The following ERBB4 variants were observed in gnomAD, a reference collection of about 807,000 sequenced individuals.
ERBB4 encodes receptor tyrosine-protein kinase erbB-4.
A neutral mutation model predicts 158.0 loss-of-function variants in ERBB4; 42 were observed. The ratio of observed to expected loss-of-function variants is 0.27; its 90% CI spans 0.21 to 0.34. The LOEUF is 0.34. ERBB4 is among the 10% of genes least tolerant of loss of function. The pLI, the probability that ERBB4 is intolerant of heterozygous loss-of-function variation, is 1.00. For synonymous variants in ERBB4, 583 were observed against 558.7 expected (o/e 1.04, Z -0.61); for missense variants, 1,333 against 1,624.1 (o/e 0.82, Z 3.08).
intron 19 of ERBB4, among the ~76,000 whole-genome samples, chr2:211,588,405 G>T (rs1035969606): frequency 6.6e-6 from 1 of 152,068 alleles, no homozygotes; most frequent in East Asian, 1.9e-4. Context: ...TGGAACAAAT[G>T]AGGATACGCT....
intron 3 of ERBB4, among the ~76,000 whole-genome samples, chr2:211,927,516 G>C (rs1381470094): frequency 6.6e-6 from 1 of 152,144 alleles, no homozygotes; most frequent in East Asian, 1.9e-4. Context: ...CAATGAGAAG[G>C]TTTCATCTGC....
At chr2:212,084,225 C>T (rs961893221) in intron 2 of ERBB4, among the ~76,000 whole-genome samples, 4 of 151,912 alleles carry the variant, frequency 2.6e-5, no homozygotes, top group Non-Finnish European at 4.4e-5. Flanking sequence ...CCTCTTGTAT[C>T]GGACAACTCA....
intron 2 of ERBB4, among the ~76,000 whole-genome samples, chr2:212,047,794 A>G (rs1021208553): frequency 1.3e-5 from 2 of 152,014 alleles, no homozygotes; most frequent in Admixed American, 1.3e-4. Context: ...CTTCATATTA[A>G]TTTTTAAAAC....
At position 212,531,465 on chromosome 2, in the gene ERBB4, C is replaced by A. The variant is rs1395137563; in HGVS notation, c.82+6984G>T. Among the ~76,000 whole-genome samples, 6 of 152,150 alleles carry A rather than the reference C, an allele frequency of 3.9e-5. No homozygotes were observed. The East Asian group carries it at 1.2e-3, about 29-fold the overall frequency. ...GAATAGAACTATGTCTTAGTTAGGG[C>A]CATGATGAAAGAGGATGGCCCAACA... is the stretch of plus-strand genomic sequence containing the variant. On this transcript the variant is annotated intron_variant, in intron 1 of 27. Transcript: ENST00000342788.
intron 1 of ERBB4, among the ~76,000 whole-genome samples, chr2:212,155,279 A>G (rs951578072): frequency 6.6e-6 from 1 of 152,028 alleles, no homozygotes; most frequent in African/African-American, 2.4e-5. Context: ...TATGTATAAC[A>G]TATATTTATT....
intron 1 of ERBB4, among the ~76,000 whole-genome samples, chr2:212,256,018 G>A (rs866353681): frequency 4.0e-5 from 2 of 50,308 alleles, no homozygotes; most frequent in African/African-American, 9.6e-5. Context: ...TTTTACAAAT[G>A]GGGGGGGGTC....
chr2:211,706,187 C>T (rs915137640), intron 9 of ERBB4, among the ~76,000 whole-genome samples: 3 of 152,108 alleles, frequency 2.0e-5, no homozygotes, highest in Admixed American at 2.0e-4. Context: ...GCTACTTCTT[C>T]AAGACAGATC....
intron 2 of ERBB4, among the ~76,000 whole-genome samples, chr2:212,075,678 G>C (rs1475391237): frequency 6.6e-6 from 1 of 151,810 alleles, no homozygotes; most frequent in Non-Finnish European, 1.5e-5. Flanking sequence ...ACATAACATT[G>C]GTTGGTTTTA....
At chr2:212,387,263 C>T (rs2090706215) in intron 1 of ERBB4, among the ~76,000 whole-genome samples, 1 of 152,000 alleles carries the variant, frequency 6.6e-6, no homozygotes, top group Admixed American at 6.6e-5. Flanking sequence ...TAGCCTTTTG[C>T]TGAATTTTAG....
At chr2:211,502,094 G>C (rs779809487) in intron 20 of ERBB4, among the ~76,000 whole-genome samples, 1 of 152,048 alleles carries the variant, frequency 6.6e-6, no homozygotes, top group Non-Finnish European at 1.5e-5. Flanking sequence ...TGGAATATTG[G>C]GATATTACAG....
intron 4 of ERBB4, 150 bp from the exon 5 acceptor site, chr2:211,750,854 T>G (rs2075111410): frequency 6.9e-6 from 5 of 726,352 alleles, no homozygotes; most frequent in African/African-American, 5.2e-5. Flanking sequence ...AATGCCCACT[T>G]AAGTAGGAAA....
rs1193675669 is a variant in ERBB4, at chr2:211,377,738, G to C, written c.*5877C>G. The C allele has an allele frequency of 4.3e-6, 1 of 232,260 alleles. No individual in the cohort carries two copies. The highest frequency in any genetic ancestry group is 2.2e-5 in the African/African-American group (1 of 45,262). The allele number at this position is 232,260 out of a possible 1,614,324, so 14.4% of individuals were successfully genotyped here. Reference sequence around the variant, plus strand: ...ATTTACTGGCAAAAATAACTTCTTGGTTATATGTACAGCTTTTATGTAAAG... The same window carrying C: ...ATTTACTGGCAAAAATAACTTCTTGCTTATATGTACAGCTTTTATGTAAAG... On this transcript the variant is annotated 3_prime_UTR_variant, in exon 28 of 28. Transcript: ENST00000342788.
chr2:211,527,182 T>G (rs2066372435), intron 20 of ERBB4, among the ~76,000 whole-genome samples: 1 of 151,748 alleles, frequency 6.6e-6, no homozygotes, highest in Non-Finnish European at 1.5e-5. Context: ...GATAAAGAAA[T>G]AATTCTAAAA....
chr2:212,260,838 A>G (rs13401244), intron 1 of ERBB4, among the ~76,000 whole-genome samples: 11,998 of 151,932 alleles, frequency 0.079, 1,513 homozygotes, highest in African/African-American at 0.27. Context: ...AAAAGTAGGC[A>G]CTCTAACTGT....
intron 1 of ERBB4, among the ~76,000 whole-genome samples, chr2:212,331,075 C>CATATATATATAT (rs1553619158): frequency 9.4e-5 from 2 of 21,298 alleles, no homozygotes; most frequent in Non-Finnish European, 1.8e-4. Context: ...TATATATACA[C>CATATATATATAT]ATATATATAT....
intron 1 of ERBB4, among the ~76,000 whole-genome samples, chr2:212,458,360 G>A (rs1276936474): frequency 6.6e-6 from 1 of 152,082 alleles, no homozygotes; most frequent in East Asian, 1.9e-4. Flanking sequence ...AAATCTGTAA[G>A]GGACATATGG....
intron 1 of ERBB4, among the ~76,000 whole-genome samples, chr2:212,164,732 G>A (rs2081297935): frequency 6.6e-6 from 1 of 151,448 alleles, no homozygotes; most frequent in Admixed American, 6.6e-5. Context: ...GAAAAATATT[G>A]AAAAATGGTT....
At chr2:211,543,843 TAA>T (rs781245393) in intron 20 of ERBB4, among the ~76,000 whole-genome samples, 4 of 141,520 alleles carry the variant, frequency 2.8e-5, no homozygotes, top group Non-Finnish European at 3.1e-5. Context: ...AAATGCAAGT[TAA>T]AAAAAAAAAA....
intron 5 of ERBB4, among the ~76,000 whole-genome samples, chr2:211,729,326 A>AT (rs911082614): frequency 5.3e-5 from 8 of 151,748 alleles, no homozygotes; most frequent in Admixed American, 3.3e-4. Context: ...TCTATAATTG[A>AT]TTTTTTTCAA....
Sources: gnomAD v4.1 joint callset for allele counts (sites outside exome capture counted in the v4.1 genomes callset) on GRCh38, gnomAD v4.1.1 for gene constraint, MANE v1.5 for transcripts, NCBI Gene and HGNC (gene_info 2026-07-23, HGNC 2026-07-21) for gene names.